The following ATP11C variants were observed in gnomAD, a reference collection of about 807,000 sequenced individuals.
ATP11C encodes ATPase phospholipid transporting 11C (ATP11C blood group).
Under a neutral mutation model 97.4 loss-of-function variants are expected in ATP11C, and 36 were observed. That is an observed-to-expected ratio of 0.37 (90% CI 0.28 to 0.49). ATP11C has a LOEUF of 0.49. Among genes scored for constraint, ATP11C ranks in the 20% least tolerant of loss-of-function variants. The pLI, the probability that ATP11C is intolerant of heterozygous loss-of-function variation, is 0.98. For missense variants in ATP11C, 730 were observed against 824.6 expected (o/e 0.89, Z 1.40); for synonymous variants, 275 against 290.9 (o/e 0.95, Z 0.56).
At chrX:139,809,322 A>G (rs2083116441) in intron 5 of ATP11C, among the ~76,000 whole-genome samples, 1 of 112,039 alleles carries the variant, frequency 8.9e-6, no homozygotes, top group Non-Finnish European at 1.9e-5. Context: ...ATAAATTGGA[A>G]TATTATTCAC....
intron 24 of ATP11C, among the ~76,000 whole-genome samples, chrX:139,746,851 A>G (rs757677204): frequency 2.7e-5 from 3 of 111,993 alleles, no homozygotes; most frequent in African/African-American, 9.7e-5. Flanking sequence ...CATTTAATAA[A>G]TGATATCTAA....
At chrX:139,871,516 CT>C (rs1206468631) in intron 1 of ATP11C, among the ~76,000 whole-genome samples, 93 of 77,171 alleles carry the variant, frequency 1.2e-3, no homozygotes, top group Middle Eastern at 7.8e-3. Context: ...GCCACCCCCG[CT>C]TTTTTTTTTT....
At chrX:139,763,444 TA>T in intron 20 of ATP11C, 26 bp from the exon 21 acceptor site, 1 of 1,121,886 alleles carries the variant, frequency 8.9e-7, no homozygotes, top group Non-Finnish European at 1.2e-6. Context: ...AAAAGAGGTG[TA>T]AAAAAGGTCA....
chrX:139,770,851 T>C (rs989747582), intron 19 of ATP11C, among the ~76,000 whole-genome samples: 1 of 111,909 alleles, frequency 8.9e-6, no homozygotes, highest in Non-Finnish European at 1.9e-5. Context: ...ATAGACTGAA[T>C]TGTGTTCCCC....
intron 1 of ATP11C, among the ~76,000 whole-genome samples, chrX:139,873,771 T>TA (rs57477180): frequency 0.089 from 8,801 of 98,947 alleles, 752 homozygotes; most frequent in East Asian, 0.26. Context: ...TACTACAATT[T>TA]AAAAAAAAAA....
intron 1 of ATP11C, among the ~76,000 whole-genome samples, chrX:139,846,393 A>C (rs1301135220): frequency 3.6e-5 from 4 of 112,509 alleles, no homozygotes; most frequent in Non-Finnish European, 5.6e-5. Context: ...ACTAGGAATA[A>C]AGAGCTAATC....
intron 1 of ATP11C, among the ~76,000 whole-genome samples, chrX:139,849,680 A>C (rs888282195): frequency 1.8e-5 from 2 of 112,499 alleles, no homozygotes; most frequent in Non-Finnish European, 3.7e-5. Flanking sequence ...AATAGTTCTC[A>C]GTCTTTATCT....
intron 15 of ATP11C, among the ~76,000 whole-genome samples, chrX:139,785,891 G>T (rs1381532261): frequency 9.0e-6 from 1 of 111,611 alleles, no homozygotes; most frequent in Non-Finnish European, 1.9e-5. Flanking sequence ...ATATGATGAA[G>T]AAAGGGGGCC....
At chrX:139,861,800 A>C (rs753971321) in intron 1 of ATP11C, among the ~76,000 whole-genome samples, 181 of 106,497 alleles carry the variant, frequency 1.7e-3, no homozygotes, top group Middle Eastern at 4.7e-3. Flanking sequence ...ACACACACAC[A>C]CCCTCTTCAT....
chrX:139,795,983 T>A (rs1351948131), intron 12 of ATP11C, among the ~76,000 whole-genome samples: 1 of 112,073 alleles, frequency 8.9e-6, no homozygotes, highest in Non-Finnish European at 1.9e-5. Context: ...TGAAGACTGT[T>A]TCCTGTTCCA....
At chrX:139,758,045 A>G (rs2081971467) in intron 22 of ATP11C, among the ~76,000 whole-genome samples, 178 bp from the exon 23 acceptor site, 1 of 112,173 alleles carries the variant, frequency 8.9e-6, no homozygotes, top group African/African-American at 3.2e-5. Flanking sequence ...ATTAATTCAT[A>G]TTAAGGCCAA....
intron 2 of ATP11C, among the ~76,000 whole-genome samples, chrX:139,824,610 C>T (rs1451938602): frequency 9.0e-6 from 1 of 111,130 alleles, no homozygotes; most frequent in African/African-American, 3.3e-5. Context: ...TGGCGTGAAC[C>T]CAGGAGGCGG....
intron 1 of ATP11C, among the ~76,000 whole-genome samples, chrX:139,911,089 T>C (rs771713193): frequency 2.7e-5 from 3 of 110,760 alleles, no homozygotes; most frequent in African/African-American, 9.8e-5. Context: ...TTAAACAAGA[T>C]ACATAAAGCA....
At chrX:139,763,538 G>A (rs1944624380) in intron 20 of ATP11C, 120 bp from the exon 21 acceptor site, 3 of 514,958 alleles carry the variant, frequency 5.8e-6, no homozygotes, top group Non-Finnish European at 9.8e-6. Context: ...CAGAAAGGTA[G>A]TTTGTGCATA....
intron 1 of ATP11C, among the ~76,000 whole-genome samples, chrX:139,928,403 T>G (rs2085385442): frequency 9.0e-6 from 1 of 110,807 alleles, no homozygotes; most frequent in East Asian, 2.8e-4. Context: ...GCCAGGATTA[T>G]TAGTAAAGTG....
chrX:139,854,384 T>C (rs1210057394), intron 1 of ATP11C, among the ~76,000 whole-genome samples: 3 of 112,249 alleles, frequency 2.7e-5, no homozygotes, highest in Admixed American at 1.9e-4. Flanking sequence ...TCTAATCTTA[T>C]GGCCTTAGGC....
chrX:139,788,081 T>C, intron 14 of ATP11C, 111 bp downstream of exon 14: 3 of 694,430 alleles, frequency 4.3e-6, no homozygotes, highest in African/African-American at 2.2e-5. Flanking sequence ...TTTTATTAAA[T>C]AATAGGAGAT....
At chrX:139,797,503 C>T (rs5954579) in intron 10 of ATP11C, among the ~76,000 whole-genome samples, 177 bp from the exon 11 acceptor site, 2,691 of 111,414 alleles carry the variant, frequency 0.024, 72 homozygotes, top group African/African-American at 0.084. Context: ...AATGGAAAAG[C>T]TGGCCATGAA....
At position 139,834,912 on chromosome X, in the gene ATP11C, G is replaced by A. The variant is rs763044760; in HGVS notation, c.28-8089C>T. On this transcript the variant is annotated intron_variant, in intron 1 of 29. Transcript: ENST00000682941. ...ACCTCTTTTAACTTTGTGTAAGTCA[G>A]CATTTCCCAAAATTTTTTGACCACA... is the stretch of plus-strand genomic sequence containing the variant. Among the ~76,000 whole-genome samples, 9 of 112,381 alleles carry A rather than the reference G, an allele frequency of 8.0e-5. No individual in the cohort carries two copies. In the South Asian group the frequency reaches 2.2e-3, roughly 28 times the overall value.
Sources: gnomAD v4.1 joint callset for allele counts (sites outside exome capture counted in the v4.1 genomes callset) on GRCh38, gnomAD v4.1.1 for gene constraint, MANE v1.5 for transcripts, NCBI Gene and HGNC (gene_info 2026-07-23, HGNC 2026-07-21) for gene names.